TULP4: variants seen among roughly 807,000 people sequenced by gnomAD.
The protein encoded by TULP4 is TUB like protein 4.
In TULP4, 16 loss-of-function variants were observed where a neutral mutation model predicts 129.0. The observed-to-expected ratio is 0.12, with a 90% CI of 0.08 to 0.19. The LOEUF is 0.19. TULP4 is among the 10% of genes least tolerant of loss of function. The pLI is 1.00. For synonymous variants in TULP4, 998 were observed against 854.0 expected (o/e 1.17, Z -2.94); for missense variants, 1,842 against 2,059.1 (o/e 0.89, Z 2.04).
intron 3 of TULP4, among the ~76,000 whole-genome samples, chr6:158,440,915 A>C (rs1778880946): frequency 6.6e-6 from 1 of 152,218 alleles, no homozygotes; most frequent in Non-Finnish European, 1.5e-5. Flanking sequence ...AGATGTCTAG[A>C]AATTAAATCG....
intron 1 of TULP4, among the ~76,000 whole-genome samples, chr6:158,246,023 G>GGGGGTGTGTGTGTGTGTGT (rs113914160): frequency 6.9e-6 from 1 of 145,822 alleles, no homozygotes; most frequent in South Asian, 2.2e-4. Context: ...ACCCCTTAGG[G>GGGGGTGTGTGTGTGTGTGT]GTGTGTGTGT....
rs534752014 is a variant in TULP4 at position 158,265,523 on chromosome 6, G to GA, written n.68+33231dup. On this transcript the variant is annotated intron_variant and non_coding_transcript_variant, in intron 1 of 1. Transcript: ENST00000620026. ...GGTGAAACCCCCGTCCCTACTAAAA[G>GA]AAAAAAAAAAATTAGCTGGGCGTGA... 2.3e-4 allele frequency among the ~76,000 whole-genome samples: 33 copies of GA among 145,300 alleles called. No individual in the cohort carries two copies. The South Asian group carries it at 3.5e-3, about 15-fold the overall frequency.
chr6:158,484,354 T>C (rs1239763099), intron 8 of TULP4, among the ~76,000 whole-genome samples: 1 of 151,884 alleles, frequency 6.6e-6, no homozygotes, highest in Non-Finnish European at 1.5e-5. Context: ...TCTCACCGTG[T>C]TTCCCAGGCT....
chr6:158,401,644 A>T (rs985408265), intron 1 of TULP4, among the ~76,000 whole-genome samples: 5 of 151,518 alleles, frequency 3.3e-5, no homozygotes, highest in African/African-American at 1.2e-4. Context: ...AAGCCGTTCT[A>T]AGCATGTGGC....
upstream of TULP4, among the ~76,000 whole-genome samples, chr6:158,307,537 G>A (rs763859420): frequency 5.3e-5 from 8 of 152,052 alleles, no homozygotes; most frequent in South Asian, 2.1e-4. Context: ...ACTAGAGTGC[G>A]GTGGTGTGAT....
chr6:158,396,803 A>C lies in TULP4; in HGVS notation c.253-16262A>C, dbSNP rs192556591. On this transcript the variant is annotated intron_variant, in intron 1 of 13. Transcript: ENST00000367097. The stretch of plus-strand genomic sequence containing the variant: ...TCATTTAAATAGTCACAAGGAGGAA[A>C]GGTTTAACTTCCCTAAAGAAATGTA... Among the ~76,000 whole-genome samples the C allele has an allele frequency of 3.9e-4, 60 of 152,308 alleles. 1 individual carries two copies. Among genetic ancestry groups the C allele is most frequent in the Admixed American group, 3.1e-3 (48 of 15,304 alleles).
chr6:158,369,711 A>G (rs895571983), intron 1 of TULP4, among the ~76,000 whole-genome samples: 1 of 152,204 alleles, frequency 6.6e-6, no homozygotes, highest in Non-Finnish European at 1.5e-5. Context: ...TAGAAAATCT[A>G]TACGTGTTTG....
chr6:158,237,891 G>C, intron 1 of TULP4: 1 of 740,316 alleles, frequency 1.4e-6, no homozygotes, highest in East Asian at 2.6e-5. Context: ...ACTGTGCCAG[G>C]GTATGAATAT....
At chr6:158,411,353 C>T (rs1430381750) in intron 1 of TULP4, among the ~76,000 whole-genome samples, 4 of 152,122 alleles carry the variant, frequency 2.6e-5, no homozygotes, top group Non-Finnish European at 5.9e-5. Context: ...GCTGATAGTT[C>T]TGTAAGCACT....
At position 158,413,894 on chromosome 6, in the gene TULP4, A is replaced by G. The variant is rs1446607235; in HGVS notation, c.381+701A>G. On this transcript the variant is annotated intron_variant, in intron 2 of 13. Coordinates refer to ENST00000367097, the MANE Select transcript of TULP4 (RefSeq NM_020245.5). The surrounding 1 kb of genome is among the most constrained non-coding windows in gnomAD (Gnocchi z 4.9). ...CTGGGACTTAAGAACCTGAATCCTC[A>G]GGGGATGTCAATTAATAATTAATGA... 6.6e-6 allele frequency among the ~76,000 whole-genome samples: 1 copy of G among 152,232 alleles called. No homozygotes were observed. The highest frequency in any genetic ancestry group is 1.9e-4 in the East Asian group (1 of 5,206).
chr6:158,430,606 G>T (rs1408838338), intron 3 of TULP4, among the ~76,000 whole-genome samples: 1 of 152,056 alleles, frequency 6.6e-6, no homozygotes, highest in Non-Finnish European at 1.5e-5. Flanking sequence ...AAATTAGCCA[G>T]GCATGATGGC....
chr6:158,355,266 G>A (rs924316151), intron 1 of TULP4, among the ~76,000 whole-genome samples: 5 of 152,012 alleles, frequency 3.3e-5, no homozygotes, highest in Non-Finnish European at 7.4e-5. Context: ...TAATTATTTT[G>A]TAGAGGTGGG....
chr6:158,251,179 C>G (rs996958039), intron 1 of TULP4, among the ~76,000 whole-genome samples: 1 of 152,154 alleles, frequency 6.6e-6, no homozygotes, highest in Non-Finnish European at 1.5e-5. Flanking sequence ...TCTGTTACCA[C>G]ATAATATTAT....
chr6:158,401,262 C>T (rs1354020706), intron 1 of TULP4, among the ~76,000 whole-genome samples: 2 of 152,008 alleles, frequency 1.3e-5, no homozygotes, highest in Non-Finnish European at 1.5e-5. Context: ...TTTGTAGAGA[C>T]GGGGTTTCAC....
intron 3 of TULP4, among the ~76,000 whole-genome samples, chr6:158,431,761 A>AG (rs1025793346): frequency 6.6e-6 from 1 of 152,068 alleles, no homozygotes; most frequent in African/African-American, 2.4e-5. Context: ...TGGAACGTGA[A>AG]GGGGGACTCC....
rs140960030 is a variant in TULP4 at position 158,432,746 on chromosome 6, C to T, written c.543+2849C>T. On this transcript the variant is annotated intron_variant, in intron 3 of 13. Coordinates refer to ENST00000367097, the MANE Select transcript of TULP4 (RefSeq NM_020245.5). Reference sequence around the variant, plus strand: ...CATAGTGGCATGTGCCTGTATTGTGCGCTGTTTTGCCAACTTTCTATTATG... The same window carrying T: ...CATAGTGGCATGTGCCTGTATTGTGTGCTGTTTTGCCAACTTTCTATTATG... Among the ~76,000 whole-genome samples the T allele has an allele frequency of 3.9e-3, 595 of 152,256 alleles. 6 individuals are homozygous for T. Among genetic ancestry groups the T allele is most frequent in the African/African-American group, 0.013 (540 of 41,526 alleles).
chr6:158,243,452 C>CAT (rs146352480), intron 1 of TULP4, among the ~76,000 whole-genome samples: 18,723 of 148,938 alleles, frequency 0.13, 1,404 homozygotes, highest in African/African-American at 0.2. Context: ...TATATCATAT[C>CAT]ATATATATAT....
At chr6:158,259,227 T>C (rs926836445) in intron 1 of TULP4, among the ~76,000 whole-genome samples, 4 of 152,208 alleles carry the variant, frequency 2.6e-5, no homozygotes, top group African/African-American at 9.7e-5. Flanking sequence ...AGAAGGCCCT[T>C]TTCTAAAATC....
chr6:158,345,029 T>C (rs1235505155), intron 1 of TULP4, among the ~76,000 whole-genome samples: 1 of 152,262 alleles, frequency 6.6e-6, no homozygotes, highest in Non-Finnish European at 1.5e-5. Context: ...CAAACAGCTC[T>C]AACATTTCTA....
Sources: allele counts gnomAD v4.1 joint callset (sites outside exome capture counted in the v4.1 genomes callset), GRCh38; gene constraint gnomAD v4.1.1; non-coding constraint Gnocchi (gnomAD v3.1); transcripts MANE v1.5; gene names NCBI Gene and HGNC (gene_info 2026-07-23, HGNC 2026-07-21).